The following LTF variants were observed in gnomAD, a reference collection of about 807,000 sequenced individuals.
The protein encoded by LTF is epididymis luminal protein 110.
LTF carries 91 observed loss-of-function variants against 87.2 expected under a neutral mutation model. The observed-to-expected ratio is 1.04, with a 90% CI of 0.88 to 1.24. The LOEUF is 1.24. Ranked by LOEUF, LTF falls within the 50% of genes most tolerant of loss-of-function variation. The probability of loss-of-function intolerance (pLI) is 0.00; values close to 1 mark genes in which losing one functional copy is unlikely to be tolerated. For missense variants in LTF, 901 were observed against 904.3 expected, an observed-to-expected ratio of 1.00 and a Z score of 0.05; for synonymous variants, 378 against 356.1, an observed-to-expected ratio of 1.06 and a Z score of -0.69.
intron 1 of LTF, among the ~76,000 whole-genome samples, chr3:46,472,985 C>T (rs1703314063): frequency 6.6e-6 from 1 of 152,124 alleles, no homozygotes; most frequent in Admixed American, 6.5e-5. Context: ...ACAGATTCCC[C>T]TTTCTCTTTC....
intron 1 of LTF, among the ~76,000 whole-genome samples, chr3:46,480,783 C>T (rs1407997355): frequency 5.9e-5 from 9 of 152,164 alleles, no homozygotes. Flanking sequence ...CGTATTGAGA[C>T]TAGATCTGAG....
chr3:46,446,533 A>C, intron 10 of LTF, 40 bp from the exon 11 acceptor site: 1 of 1,556,854 alleles, frequency 6.4e-7, no homozygotes, highest in South Asian at 1.1e-5. Flanking sequence ...TTATCCATTC[A>C]GATGTAGTGA....
chr3:46,445,725 G>C (rs566664274), intron 11 of LTF, among the ~76,000 whole-genome samples: 1 of 152,346 alleles, frequency 6.6e-6, no homozygotes, highest in East Asian at 1.9e-4. Flanking sequence ...AACCAGCAAT[G>C]CATCTCTCAG....
intron 6 of LTF, among the ~76,000 whole-genome samples, chr3:46,452,094 T>A (rs1277503706): frequency 6.6e-6 from 1 of 152,178 alleles, no homozygotes; most frequent in Non-Finnish European, 1.5e-5. Flanking sequence ...AGACACACTC[T>A]TATTTAAAAA....
intron 1 of LTF, among the ~76,000 whole-genome samples, chr3:46,479,241 C>T (rs1388692867): frequency 6.6e-6 from 1 of 152,214 alleles, no homozygotes; most frequent in Non-Finnish European, 1.5e-5. Flanking sequence ...GCAGGGAAAA[C>T]CCCATAGCCC....
At chr3:46,451,728 G>A (rs555896551) in intron 6 of LTF, among the ~76,000 whole-genome samples, 1 of 152,206 alleles carries the variant, frequency 6.6e-6, no homozygotes, top group African/African-American at 2.4e-5. Context: ...CCAAGTAGCT[G>A]GGACCACAAG....
chr3:46,468,713 C>T (rs533277586), upstream of LTF, among the ~76,000 whole-genome samples: 36 of 152,354 alleles, frequency 2.4e-4, no homozygotes, highest in South Asian at 7.0e-3. Flanking sequence ...CTTCCTGAGA[C>T]ATCAACTCAC....
intron 5 of LTF, among the ~76,000 whole-genome samples, chr3:46,454,974 G>A (rs1277114757): frequency 6.6e-6 from 1 of 152,194 alleles, no homozygotes; most frequent in African/African-American, 2.4e-5. Flanking sequence ...TTAGGCAGGC[G>A]GCAGAAATTA....
intron 1 of LTF, among the ~76,000 whole-genome samples, chr3:46,477,175 C>CT (rs1559612917): frequency 6.6e-6 from 1 of 152,222 alleles, no homozygotes; most frequent in Non-Finnish European, 1.5e-5. Flanking sequence ...CATTGTCTGT[C>CT]TTTTTCATTT....
intron 1 of LTF, among the ~76,000 whole-genome samples, chr3:46,483,178 G>A (rs1018195498): frequency 2.0e-5 from 3 of 152,200 alleles, no homozygotes; most frequent in Admixed American, 6.5e-5. Context: ...CAAGGGAAAG[G>A]GAAATCAGAA....
intron 11 of LTF, 136 bp downstream of exon 11, chr3:46,446,299 GCACCC>G: frequency 1.7e-5 from 3 of 180,304 alleles, no homozygotes; most frequent in Non-Finnish European, 3.0e-5. Flanking sequence ...TGAATTATTT[GCACCC>G]TTAAAATTAT....
chr3:46,482,624 GA>G (rs1162666852), intron 1 of LTF, among the ~76,000 whole-genome samples: 7 of 59,806 alleles, frequency 1.2e-4, no homozygotes, highest in African/African-American at 4.4e-4. Context: ...AAGAAAGAAA[GA>G]AAGAAAGAAA....
At chr3:46,479,569 T>A (rs1703405772) in intron 1 of LTF, among the ~76,000 whole-genome samples, 1 of 152,116 alleles carries the variant, frequency 6.6e-6, no homozygotes, top group African/African-American at 2.4e-5. Context: ...TGTCACCCAG[T>A]CTGAAGTGCA....
intron 7 of LTF, among the ~76,000 whole-genome samples, 155 bp from the exon 8 acceptor site, chr3:46,450,183 G>A (rs527684151): frequency 4.6e-5 from 7 of 152,224 alleles, no homozygotes; most frequent in East Asian, 3.9e-4. Context: ...GTGCCATCTC[G>A]GAGACCCAAG....
chr3:46,456,002 A>C (rs1702920649), intron 3 of LTF, 24 bp from the exon 4 acceptor site: 1 of 1,541,804 alleles, frequency 6.5e-7, no homozygotes. Flanking sequence ...GACAGAATTG[A>C]AAGTTCTTAG....
chr3:46,449,925 AC>A lies in LTF; in HGVS notation c.985del (p.Val329CysfsTer5). On this transcript the variant is annotated frameshift_variant, in exon 8 of 17. Coordinates refer to ENST00000231751, the MANE Select transcript of LTF (RefSeq NM_002343.6). LOFTEE classifies it high-confidence loss of function. ...FKDSAIGFSR[V>X]PPRIDSGLYL... ...CAGCCCAGAATCTATCCTCGGGGGC[AC>A]CCTCGAAAACCCAATGGCAGAGTCC... is the stretch of plus-strand genomic sequence containing the variant. The A allele has an allele frequency of 1.9e-6, 3 of 1,614,100 alleles. No individual in the cohort carries two copies. Among genetic ancestry groups the A allele is most frequent in the Non-Finnish European group, 2.5e-6 (3 of 1,180,010 alleles).
At chr3:46,446,358 GT>G (rs548217267) in intron 11 of LTF, 81 bp downstream of exon 11, 36 of 1,183,160 alleles carry the variant, frequency 3.0e-5, no homozygotes, top group Middle Eastern at 1.9e-4. Flanking sequence ...AATTCTTTCT[GT>G]TTTTTTTACA....
At chr3:46,444,744 C>T (rs1349462801) in intron 12 of LTF, among the ~76,000 whole-genome samples, 3 of 152,216 alleles carry the variant, frequency 2.0e-5, no homozygotes, top group Non-Finnish European at 4.4e-5. Flanking sequence ...ACGGGGCCCA[C>T]AGCAGGCAGG....
chr3:46,465,564 T>C (rs561917307), upstream of LTF, among the ~76,000 whole-genome samples: 8 of 151,180 alleles, frequency 5.3e-5, no homozygotes, highest in African/African-American at 1.9e-4. Flanking sequence ...TATTTGCCAA[T>C]GAGAAAGATG....
Sources: gnomAD v4.1 joint callset for allele counts (sites outside exome capture counted in the v4.1 genomes callset) on GRCh38, gnomAD v4.1.1 for gene constraint, MANE v1.5 for transcripts, NCBI Gene and HGNC (gene_info 2026-07-23, HGNC 2026-07-21) for gene names.